Variants in HTR1D observed in about 807,000 individuals in gnomAD.
HTR1D encodes the protein 5-HT-1D.
A neutral mutation model predicts 21.1 loss-of-function variants in HTR1D; 18 were observed. The observed-to-expected ratio is 0.85, with a 90% confidence interval of 0.59 to 1.27. The LOEUF (loss-of-function observed/expected upper bound fraction) is 1.27, where lower values mean the gene tolerates loss of function less well. Among genes scored for constraint, HTR1D ranks in the 50% most tolerant of loss-of-function variants. HTR1D has a pLI of 0.00. For synonymous variants in HTR1D, 196 were observed against 204.4 expected (o/e 0.96, Z 0.35); for missense variants, 456 against 481.4 (o/e 0.95, Z 0.49).
At chr1:23,207,379 AG>A (rs1479236180) in intron 1 of HTR1D, among the ~76,000 whole-genome samples, 3 of 152,184 alleles carry the variant, frequency 2.0e-5, no homozygotes, top group Non-Finnish European at 4.4e-5. Flanking sequence ...ACTGCACTCC[AG>A]CCTCGGTAAC....
At chr1:23,211,850 G>A (rs1468296410) in intron 1 of HTR1D, among the ~76,000 whole-genome samples, 5 of 151,836 alleles carry the variant, frequency 3.3e-5, no homozygotes, top group Non-Finnish European at 7.4e-5. Flanking sequence ...TTTTTATAGA[G>A]ATGGGGTCTC....
At chr1:23,213,301 G>A (rs1459580006) in intron 1 of HTR1D, among the ~76,000 whole-genome samples, 1 of 148,926 alleles carries the variant, frequency 6.7e-6, no homozygotes, top group Non-Finnish European at 1.5e-5. Flanking sequence ...CCAACATGGT[G>A]AAACCCCGTC....
chr1:23,210,624 C>A (rs1738477), intron 1 of HTR1D, among the ~76,000 whole-genome samples: 59 of 152,114 alleles, frequency 3.9e-4, no homozygotes, highest in African/African-American at 1.3e-3. Flanking sequence ...CTCCCACCAG[C>A]GCTCCTTCTA....
intron 1 of HTR1D, among the ~76,000 whole-genome samples, chr1:23,204,263 C>T (rs1644721045): frequency 6.6e-6 from 1 of 152,024 alleles, no homozygotes; most frequent in South Asian, 2.1e-4. Context: ...GTAGCTGGGA[C>T]TACAGGCACT....
chr1:23,210,490 G>A (rs1034190845), intron 1 of HTR1D, among the ~76,000 whole-genome samples: 14 of 152,154 alleles, frequency 9.2e-5, no homozygotes, highest in Non-Finnish European at 5.9e-5. Flanking sequence ...TGTCAGATGG[G>A]AAGGACTCTT....
At chr1:23,198,751 C>T (rs368720652) in intron 1 of HTR1D, among the ~76,000 whole-genome samples, 7 of 152,058 alleles carry the variant, frequency 4.6e-5, no homozygotes, top group South Asian at 2.1e-4. Flanking sequence ...GTCAAAAACA[C>T]GCAAGAAGAA....
chr1:23,200,431 A>G (rs1463951681), intron 1 of HTR1D, among the ~76,000 whole-genome samples: 2 of 152,248 alleles, frequency 1.3e-5, no homozygotes, highest in Non-Finnish European at 2.9e-5. Context: ...GAGCCTGCAC[A>G]GCCTCAGTGA....
At chr1:23,196,199 C>T (rs1411858702) in intron 1 of HTR1D, among the ~76,000 whole-genome samples, 2 of 151,474 alleles carry the variant, frequency 1.3e-5, no homozygotes, top group Non-Finnish European at 2.9e-5. Context: ...AATCCCAGCA[C>T]TTTGGGAGGC....
rs1488529356 is a variant in HTR1D, at chr1:23,197,076, C to T, written c.-782-2075G>A. 2.6e-5 allele frequency among the ~76,000 whole-genome samples: 4 copies of T among 152,154 alleles called. No individual in the cohort carries two copies. The East Asian group carries it at 7.7e-4, about 29-fold the overall frequency. ...TTCCCAAGGAAGCCTGGTGTGCCTG[C>T]CCCACAAACTCATGCGGTCACTCCT... On this transcript the variant is annotated intron_variant, in intron 1 of 1. Coordinates refer to ENST00000374619, the MANE Select transcript of HTR1D (RefSeq NM_000864.5).
rs774791897 is a variant in HTR1D, at chr1:23,194,214, G to A, written c.6C>T (p.Ser2=). The stretch of plus-strand genomic sequence containing the variant: ...GGCCTTCTGCTGACTGGTTCAGTGG[G>A]GACATGCTAGGTGGCTCTCTCTTCC... M[S]PLNQSAEGLP... is the part of the protein sequence containing the mutation. Residue 2 remains serine (S), a synonymous_variant, in exon 2 of 2, where the codon TCC becomes TCT. Transcript: ENST00000374619. The A allele has an allele frequency of 4.3e-6, 7 of 1,611,632 alleles. No homozygotes were observed. In the East Asian group the frequency reaches 1.3e-4, roughly 31 times the overall value.
intron 1 of HTR1D, among the ~76,000 whole-genome samples, chr1:23,212,074 C>G (rs1469536445): frequency 6.6e-6 from 1 of 152,314 alleles, no homozygotes; most frequent in African/African-American, 2.4e-5. Flanking sequence ...CCACCTCCAG[C>G]CCACCTCTTG....
At chr1:23,199,914 C>A (rs1194471489) in intron 1 of HTR1D, among the ~76,000 whole-genome samples, 9 of 152,012 alleles carry the variant, frequency 5.9e-5, no homozygotes, top group African/African-American at 2.2e-4. Context: ...CCATGTTGGC[C>A]AGGCTGGTGT....
intron 1 of HTR1D, among the ~76,000 whole-genome samples, chr1:23,216,404 CAAAGA>C (rs1318690033): frequency 6.6e-5 from 10 of 152,222 alleles, no homozygotes; most frequent in African/African-American, 2.4e-4. Flanking sequence ...AACCACACCT[CAAAGA>C]AGGTAAGGGC....
chr1:23,213,479 A>AAAAACAAACAAAAC (rs1557729457), intron 1 of HTR1D, among the ~76,000 whole-genome samples: 1 of 150,920 alleles, frequency 6.6e-6, no homozygotes, highest in Non-Finnish European at 1.5e-5. Flanking sequence ...GACTCCGTCT[A>AAAAACAAACAAAAC]AAAACAAAAC....
rs1009905534 is a variant in HTR1D, at chr1:23,212,941, C to T, written c.-783+4350G>A. ...TCCCGGGTTCAAGCGATTCTCCTGC[C>T]TCAGCCTCCCAAGCAGCTGGGATTA... On this transcript the variant is annotated intron_variant, in intron 1 of 1. Coordinates refer to ENST00000374619, the MANE Select transcript of HTR1D (RefSeq NM_000864.5). 1.2e-4 allele frequency among the ~76,000 whole-genome samples: 18 copies of T among 152,204 alleles called. No homozygotes were observed. In the East Asian group the frequency reaches 3.5e-3, roughly 30 times the overall value.
Position 23,193,312 on chromosome 1 carries a change from A to G in HTR1D, c.908T>C (p.Leu303Pro). Reference protein sequence around the residue: ...AARERKATKILGIILGAFIIC... With the variant: ...AARERKATKIPGIILGAFIIC... Reference sequence around the variant, plus strand: ...GATAAAGGCCCCCAGAATGATGCCCAGGATTTTAGTGGCTTTCCTTTCTCG... The same window carrying G: ...GATAAAGGCCCCCAGAATGATGCCCGGGATTTTAGTGGCTTTCCTTTCTCG... Residue 303 changes from leucine (L) to proline (P), a missense_variant, in exon 2 of 2, where the codon CTG becomes CCG. Physicochemically the swap from Leu to Pro is moderately conservative, Grantham distance 98. Transcript: ENST00000374619. 6.2e-7 allele frequency: 1 copy of G among 1,614,224 alleles called. No homozygotes were observed. The highest frequency in any genetic ancestry group is 8.5e-7 in the Non-Finnish European group (1 of 1,180,036).
intron 1 of HTR1D, among the ~76,000 whole-genome samples, chr1:23,215,428 C>G (rs1644770015): frequency 1.3e-5 from 2 of 152,166 alleles, no homozygotes; most frequent in African/African-American, 4.8e-5. Context: ...AAAACAAAAA[C>G]AAATAAGCAA....
At chr1:23,203,862 G>C (rs1644719362) in intron 1 of HTR1D, among the ~76,000 whole-genome samples, 1 of 152,046 alleles carries the variant, frequency 6.6e-6, no homozygotes, top group African/African-American at 2.4e-5. Context: ...CAGTAGAACG[G>C]GGCCAGGCAC....
rs1273410375 is a variant in HTR1D, at chr1:23,193,861, G to A, written c.359C>T (p.Thr120Met). Residue 120 changes from threonine (T) to methionine (M), a missense_variant, in exon 2 of 2, where the codon ACG becomes ATG. Coordinates refer to ENST00000374619, the MANE Select transcript of HTR1D (RefSeq NM_000864.5). The stretch of plus-strand genomic sequence containing the variant: ...ATGCAGGATGGAGGCTGTGCAGCAC[G>A]TGATGTCAGAGGACAGCCAGATGTC... ...LCDIWLSSDI[T>M]CCTASILHLC... 11 of 1,614,114 alleles carry A rather than the reference G, an allele frequency of 6.8e-6. No individual in the cohort carries two copies. The highest frequency in any genetic ancestry group is 1.6e-4 in the Middle Eastern group (1 of 6,084).
Sources: gnomAD v4.1 joint callset for allele counts (sites outside exome capture counted in the v4.1 genomes callset) on GRCh38, gnomAD v4.1.1 for gene constraint, MANE v1.5 for transcripts, NCBI Gene and HGNC (gene_info 2026-07-23, HGNC 2026-07-21) for gene names.